Variants in UPB1 observed in about 807,000 individuals in gnomAD.
The protein encoded by UPB1 is beta-ureidopropionase 1.
UPB1 carries 40 observed loss-of-function variants against 49.1 expected under a neutral mutation model. That is an observed-to-expected ratio of 0.81 (90% CI 0.63 to 1.06). The LOEUF is 1.06. UPB1 is among the 50% of genes least tolerant of loss of function. The pLI is 0.00. For synonymous variants in UPB1, 207 were observed against 198.2 expected (o/e 1.04, Z -0.38); for missense variants, 499 against 505.9 (o/e 0.99, Z 0.13).
rs553038492 is a variant in UPB1 at position 24,496,356 on chromosome 22, G to T, written c.104+849G>T. Among the ~76,000 whole-genome samples the T allele has an allele frequency of 2.0e-5, 3 of 149,458 alleles. No homozygotes were observed. The East Asian group carries it at 5.9e-4, about 29-fold the overall frequency. Reference sequence around the variant, plus strand: ...TCTGCACTCCAGCCTGGGAGTCAGAGTGAGGCCCTGTCTCAAACACACACA... The same window carrying T: ...TCTGCACTCCAGCCTGGGAGTCAGATTGAGGCCCTGTCTCAAACACACACA... On this transcript the variant is annotated intron_variant, in intron 1 of 9. Transcript: ENST00000326010.
At chr22:24,515,836 C>T (rs2044284678) in intron 6 of UPB1, among the ~76,000 whole-genome samples, 2 of 152,096 alleles carry the variant, frequency 1.3e-5, no homozygotes, top group African/African-American at 4.8e-5. Context: ...ATCAGCCAGG[C>T]GTGGTGGTGT....
intron 1 of UPB1, among the ~76,000 whole-genome samples, chr22:24,496,397 A>G (rs2043882972): frequency 7.8e-6 from 1 of 128,874 alleles, no homozygotes; most frequent in South Asian, 2.5e-4. Context: ...ACACACACAC[A>G]CACACATACA....
chr22:24,506,838 T>C lies in UPB1; in HGVS notation c.365-3911T>C, dbSNP rs149538698. Among the ~76,000 whole-genome samples the C allele has an allele frequency of 2.4e-3, 370 of 152,270 alleles. 4 individuals are homozygous for C. Among genetic ancestry groups the C allele is most frequent in the Admixed American group, 0.018 (282 of 15,296 alleles). On this transcript the variant is annotated intron_variant, in intron 3 of 9. Coordinates refer to ENST00000326010, the MANE Select transcript of UPB1 (RefSeq NM_016327.3). Reference sequence around the variant, plus strand: ...GAACTAACATCTCCCCTTTCTTGGATCTGGAACTCCCCCTCATTTATCAAA... The same window carrying C: ...GAACTAACATCTCCCCTTTCTTGGACCTGGAACTCCCCCTCATTTATCAAA...
Position 24,518,874 on chromosome 22 carries a change from G to A in UPB1, c.792-1513G>A, listed in dbSNP as rs570145729. On this transcript the variant is annotated intron_variant, in intron 6 of 9. Coordinates refer to ENST00000326010, the MANE Select transcript of UPB1 (RefSeq NM_016327.3). The stretch of plus-strand genomic sequence containing the variant: ...TGCGATTATTTTTAGGGGTGTGTGT[G>A]CACCGCGCTGGGAATATGGCAAACG... Among the ~76,000 whole-genome samples, 11 of 152,284 alleles carry A rather than the reference G, an allele frequency of 7.2e-5. No homozygotes were observed. The South Asian group carries it at 2.3e-3, about 32-fold the overall frequency.
chr22:24,510,745 A>G lies in UPB1; in HGVS notation c.365-4A>G. The G allele has an allele frequency of 1.9e-6, 3 of 1,614,046 alleles. No individual in the cohort carries two copies. Among genetic ancestry groups the G allele is most frequent in the Non-Finnish European group, 2.5e-6 (3 of 1,179,936 alleles). On this transcript the variant is annotated splice_polypyrimidine_tract_variant and splice_region_variant and intron_variant, in intron 3 of 9. Transcript: ENST00000326010. ...TATAATTCTGCCCTTTCTCCTATTT[A>G]TAGCTATGCCCTTTGCCTTCTGTAC...
intron 5 of UPB1, 41 bp downstream of exon 5, chr22:24,513,526 G>A: frequency 1.2e-6 from 2 of 1,600,072 alleles, no homozygotes; most frequent in Non-Finnish European, 1.7e-6. Flanking sequence ...CTGCTCACTT[G>A]CCCCTCTGTA....
intron 2 of UPB1, 125 bp downstream of exon 2, chr22:24,500,403 A>ACTGCTT: frequency 7.6e-7 from 1 of 1,307,800 alleles, no homozygotes. Context: ...AAGCAGTAGC[A>ACTGCTT]GAGGCGCTTC....
At chr22:24,521,099 C>T (rs569237993) in intron 7 of UPB1, among the ~76,000 whole-genome samples, 7 of 146,376 alleles carry the variant, frequency 4.8e-5, no homozygotes, top group Non-Finnish European at 1.0e-4. Flanking sequence ...ACGAGAATAG[C>T]TTGAACAAGG....
chr22:24,501,564 G>T (rs1050117562), intron 2 of UPB1, among the ~76,000 whole-genome samples: 1 of 152,222 alleles, frequency 6.6e-6, no homozygotes, highest in Non-Finnish European at 1.5e-5. Context: ...GCCCACAGAG[G>T]GGTGACATGT....
At chr22:24,522,082 C>T (rs2044405033) in intron 8 of UPB1, 54 bp downstream of exon 8, 3 of 1,592,962 alleles carry the variant, frequency 1.9e-6, no homozygotes, top group African/African-American at 1.3e-5. Flanking sequence ...TTCCTCTCCC[C>T]TTCTCTGTCT....
intron 7 of UPB1, 110 bp downstream of exon 7, chr22:24,520,578 A>G (rs755301450): frequency 7.9e-7 from 1 of 1,258,094 alleles, no homozygotes; most frequent in Non-Finnish European, 1.1e-6. Flanking sequence ...GGAAAGGGGT[A>G]AAACTGGCTT....
Position 24,512,511 on chromosome 22 carries a change from G to A in UPB1, c.460-813G>A, listed in dbSNP as rs530148061. Among the ~76,000 whole-genome samples, 54 of 152,260 alleles carry A rather than the reference G, an allele frequency of 3.5e-4. 2 individuals are homozygous for A. In the South Asian group the frequency reaches 0.01, roughly 29 times the overall value. On this transcript the variant is annotated intron_variant, in intron 4 of 9. Transcript: ENST00000326010. Reference sequence around the variant, plus strand: ...AATTTATTTTTGGCATAGATAAGTCGTTTGATTATTATTTTTATTCTTTTT... The same window carrying A: ...AATTTATTTTTGGCATAGATAAGTCATTTGATTATTATTTTTATTCTTTTT...
chr22:24,511,264 A>G (rs1217726033), intron 4 of UPB1, among the ~76,000 whole-genome samples: 1 of 152,074 alleles, frequency 6.6e-6, no homozygotes, highest in East Asian at 1.9e-4. Flanking sequence ...ATTGGTTTTG[A>G]TTTTTCTTCA....
chr22:24,508,638 G>A (rs1211069618), intron 3 of UPB1, among the ~76,000 whole-genome samples: 1 of 151,906 alleles, frequency 6.6e-6, no homozygotes, highest in Non-Finnish European at 1.5e-5. Flanking sequence ...AGCACTTTGG[G>A]AGGCCGAGGC....
intron 1 of UPB1, among the ~76,000 whole-genome samples, chr22:24,497,633 G>T (rs1237208163): frequency 6.6e-6 from 1 of 152,174 alleles, no homozygotes; most frequent in African/African-American, 2.4e-5. Context: ...GCAGGGTGAG[G>T]GGTAGAGGGT....
At position 24,502,775 on chromosome 22, in the gene UPB1, A is replaced by G. The variant is rs537102671; in HGVS notation, c.364+562A>G. On this transcript the variant is annotated intron_variant, in intron 3 of 9. Transcript: ENST00000326010. ...CTACTTCCTAATTTTTTAGTTTTGCATCACCTATTGACTTCCCCCTATGGA... is the reference window on the plus strand; with the variant it reads ...CTACTTCCTAATTTTTTAGTTTTGCGTCACCTATTGACTTCCCCCTATGGA... The G allele has an allele frequency of 1.2e-5, 6 of 516,832 alleles. No homozygotes were observed. In the South Asian group the frequency reaches 1.3e-4, roughly 11 times the overall value. The allele number at this position is 516,832 out of a possible 1,614,324, so 32.0% of individuals were successfully genotyped here.
intron 7 of UPB1, among the ~76,000 whole-genome samples, chr22:24,521,502 A>G (rs759811491): frequency 1.3e-5 from 2 of 152,140 alleles, no homozygotes; most frequent in African/African-American, 2.4e-5. Flanking sequence ...TTAAATAAAT[A>G]AATAGAAAAG....
intron 3 of UPB1, chr22:24,503,662 A>G (rs766921658): frequency 1.3e-5 from 2 of 152,086 alleles, no homozygotes; most frequent in Non-Finnish European, 2.9e-5. Context: ...GCTTCCTTTA[A>G]ATGGACCATC....
chr22:24,497,490 C>T (rs1431597771), intron 1 of UPB1, among the ~76,000 whole-genome samples: 2 of 152,218 alleles, frequency 1.3e-5, no homozygotes, highest in Non-Finnish European at 2.9e-5. Context: ...AACTTGGTGT[C>T]CTCTGGCAAG....
Sources: allele counts gnomAD v4.1 joint callset (sites outside exome capture counted in the v4.1 genomes callset), GRCh38; gene constraint gnomAD v4.1.1; transcripts MANE v1.5; gene names NCBI Gene and HGNC (gene_info 2026-07-23, HGNC 2026-07-21).